The following NFKB1 variants were observed in gnomAD, a reference collection of about 807,000 sequenced individuals.
The protein encoded by NFKB1 is nuclear factor kappa B subunit 1.
Under a neutral mutation model 105.1 loss-of-function variants are expected in NFKB1, and 9 were observed. The ratio of observed to expected loss-of-function variants is 0.09; its 90% CI spans 0.05 to 0.15. NFKB1 has a LOEUF of 0.15. Ranked by LOEUF, NFKB1 falls within the 10% of genes least tolerant of loss-of-function variation. The pLI, the probability that NFKB1 is intolerant of heterozygous loss-of-function variation, is 1.00. For missense variants in NFKB1, 830 were observed against 1,203.7 expected (o/e 0.69, Z 4.59); for synonymous variants, 440 against 442.2 (o/e 1.00, Z 0.06).
intron 4 of NFKB1, among the ~76,000 whole-genome samples, chr4:102,536,580 T>A (rs2149126498): frequency 6.6e-6 from 1 of 152,302 alleles, no homozygotes; most frequent in South Asian, 2.1e-4. Context: ...CTACTTGGCA[T>A]AATGAAATGT....
chr4:102,526,856 A>C (rs1436808575), intron 2 of NFKB1, among the ~76,000 whole-genome samples: 1 of 152,164 alleles, frequency 6.6e-6, no homozygotes, highest in African/African-American at 2.4e-5. Flanking sequence ...GAAATGTTGG[A>C]ATAATCTAAC....
chr4:102,502,500 C>T (rs1268720138), intron 1 of NFKB1, among the ~76,000 whole-genome samples: 1 of 151,546 alleles, frequency 6.6e-6, no homozygotes, highest in Non-Finnish European at 1.5e-5. Context: ...AATAAATTAC[C>T]TACCTGGATA....
At chr4:102,601,690 T>C (rs890231400) in intron 16 of NFKB1, among the ~76,000 whole-genome samples, 12 of 152,184 alleles carry the variant, frequency 7.9e-5, no homozygotes, top group African/African-American at 2.9e-4. Context: ...ATATGCAGAA[T>C]TCAGGGAGAG....
chr4:102,548,965 A>G (rs1722352953), intron 5 of NFKB1, among the ~76,000 whole-genome samples: 1 of 152,102 alleles, frequency 6.6e-6, no homozygotes, highest in East Asian at 1.9e-4. Context: ...GTAGATGTGA[A>G]TTCTGGGGGT....
chr4:102,610,655 G>A lies in NFKB1; in HGVS notation c.2308G>A (p.Val770Ile). The A allele has an allele frequency of 1.2e-6, 2 of 1,614,038 alleles. No homozygotes were observed. The highest frequency in any genetic ancestry group is 1.7e-6 in the Non-Finnish European group (2 of 1,179,932). ...GGAAAATGCAGGAGAGGATGAAGGA[G>A]TTGTGCCTGGAACCACGCCTCTAGA... Reference protein sequence around the residue: ...SWENAGEDEGVVPGTTPLDMA... With the variant: ...SWENAGEDEGIVPGTTPLDMA... Residue 770 changes from valine to isoleucine, a missense_variant, in exon 20 of 24, where the codon GTT becomes ATT. Physicochemically the swap from Val to Ile is conservative, Grantham distance 29. Coordinates refer to ENST00000226574, the MANE Select transcript of NFKB1 (RefSeq NM_003998.4).
chr4:102,594,644 C>G (rs764997326), intron 12 of NFKB1, among the ~76,000 whole-genome samples: 20 of 152,264 alleles, frequency 1.3e-4, no homozygotes, highest in South Asian at 6.2e-4. Flanking sequence ...AAGGCTTTCT[C>G]CATTACAACC....
rs1414479918 is a variant in NFKB1, at chr4:102,536,609, C to T, written c.160-1249C>T. The stretch of plus-strand genomic sequence containing the variant: ...GAAATGTAGTATAGTCTAAGTAGTG[C>T]ATACGTTTTACATTTGTTCATGAGC... On this transcript the variant is annotated intron_variant, in intron 4 of 23. Transcript: ENST00000226574. Among the ~76,000 whole-genome samples the T allele has an allele frequency of 2.6e-5, 4 of 152,248 alleles. No individual in the cohort carries two copies. The South Asian group carries it at 8.3e-4, about 32-fold the overall frequency.
Position 102,612,153 on chromosome 4 carries a change from CCA to C in NFKB1, c.2419+47_2419+48del, listed in dbSNP as rs774519032. 2.9e-5 allele frequency: 45 copies of C among 1,528,804 alleles called. No individual in the cohort carries two copies. In the African/African-American group the frequency reaches 6.1e-4, roughly 21 times the overall value. 94.7% of individuals were successfully genotyped at this position (1,528,804 alleles called of 1,614,324 possible). On this transcript the variant is annotated intron_variant, in intron 21 of 23. Transcript: ENST00000226574. ...CAGATTCTCTTAACCATTATTATCT[CCA>C]CACTGTCATTTAAAGGGAGGAACCA...
rs1295254264 is a variant in NFKB1, at chr4:102,561,271, T to TGTGTG, written c.259-5716_259-5715insGTGTG. Among the ~76,000 whole-genome samples the TGTGTG allele has an allele frequency of 3.5e-3, 374 of 108,394 alleles. 3 individuals carry two copies. The highest frequency in any genetic ancestry group is 0.014 in the African/African-American group (352 of 24,438). The allele number at this position is 108,394 out of a possible 152,430, so 71.1% of individuals were successfully genotyped here. On this transcript the variant is annotated intron_variant, in intron 5 of 23. Coordinates refer to ENST00000226574, the MANE Select transcript of NFKB1 (RefSeq NM_003998.4). ...TATTCTCTTTCTTTCTTTCCTTTTTTTTTTTTTTTTTGTGTGTGTGTGTGT... is the reference window on the plus strand; with the variant it reads ...TATTCTCTTTCTTTCTTTCCTTTTTTGTGTGTTTTTTTTTTTGTGTGTGTGTGTGT...
At chr4:102,596,401 A>ATCTT in intron 14 of NFKB1, 69 bp downstream of exon 14, 6 of 1,219,142 alleles carry the variant, frequency 4.9e-6, no homozygotes, top group Non-Finnish European at 6.7e-6. Flanking sequence ...GCAGAAAGAT[A>ATCTT]TCTGCTAATC....
chr4:102,601,281 T>C (rs1727121097), intron 16 of NFKB1, among the ~76,000 whole-genome samples: 1 of 152,186 alleles, frequency 6.6e-6, no homozygotes, highest in African/African-American at 2.4e-5. Flanking sequence ...TCAAACAGTT[T>C]TTTCATTTAA....
At chr4:102,510,922 A>G (rs747442981) in intron 1 of NFKB1, 10 of 1,285,482 alleles carry the variant, frequency 7.8e-6, no homozygotes, top group Middle Eastern at 2.1e-4. Flanking sequence ...ACAGAAGCAT[A>G]TCTTGGAGAT....
At position 102,577,115 on chromosome 4, in the gene NFKB1, A is replaced by T. The variant is rs1724888891; in HGVS notation, c.571+76A>T. 1.3e-5 allele frequency: 19 copies of T among 1,451,052 alleles called. 1 individual carries two copies. Among genetic ancestry groups the T allele is most frequent in the Middle Eastern group, 2.0e-4 (1 of 4,972 alleles). The allele number at this position is 1,451,052 out of a possible 1,614,324, so 89.9% of individuals were successfully genotyped here. ...TTTCATCTGTATGAATTATATGTTC[A>T]TCTGCATCCCTTCCAGTCTCTACCC... On this transcript the variant is annotated intron_variant, in intron 7 of 23. Transcript: ENST00000226574.
chr4:102,505,126 A>G (rs191047694), intron 1 of NFKB1, among the ~76,000 whole-genome samples: 272 of 152,296 alleles, frequency 1.8e-3, no homozygotes, highest in Middle Eastern at 3.4e-3. Flanking sequence ...TGTCTTTTAC[A>G]TTTCCGGAGG....
chr4:102,523,238 A>G (rs549868565), intron 1 of NFKB1, among the ~76,000 whole-genome samples: 4 of 152,174 alleles, frequency 2.6e-5, no homozygotes, highest in Non-Finnish European at 5.9e-5. Context: ...TCCCTTTTTT[A>G]ACTGCTTGTC....
chr4:102,556,561 G>A (rs779749545), intron 5 of NFKB1, among the ~76,000 whole-genome samples: 2 of 152,126 alleles, frequency 1.3e-5, no homozygotes, highest in African/African-American at 4.8e-5. Flanking sequence ...TAGGGTTGAG[G>A]AATAATAAAT....
chr4:102,595,238 C>T (rs1405466401), intron 13 of NFKB1, among the ~76,000 whole-genome samples: 1 of 152,110 alleles, frequency 6.6e-6, no homozygotes, highest in African/African-American at 2.4e-5. Context: ...TGAAAAGAGA[C>T]AACAGAGACC....
At chr4:102,505,111 T>C (rs937410472) in intron 1 of NFKB1, among the ~76,000 whole-genome samples, 1 of 152,214 alleles carries the variant, frequency 6.6e-6, no homozygotes. Context: ...TGCAAATTAA[T>C]ATACTGTCTT....
intron 19 of NFKB1, among the ~76,000 whole-genome samples, chr4:102,610,127 A>G (rs148980433): frequency 6.6e-6 from 1 of 152,380 alleles, no homozygotes; most frequent in African/African-American, 2.4e-5. Flanking sequence ...ACTAGACATC[A>G]AGCATCTTTG....
Sources: gnomAD v4.1 joint callset for allele counts (sites outside exome capture counted in the v4.1 genomes callset) on GRCh38, gnomAD v4.1.1 for gene constraint, MANE v1.5 for transcripts, NCBI Gene and HGNC (gene_info 2026-07-23, HGNC 2026-07-21) for gene names.